PLEKHA6: variants seen among roughly 807,000 people sequenced by gnomAD.
PLEKHA6 encodes pleckstrin homology domain-containing family A member 6.
A neutral mutation model predicts 116.7 loss-of-function variants in PLEKHA6; 60 were observed. The observed-to-expected ratio is 0.51, with a 90% CI of 0.42 to 0.64. The LOEUF (loss-of-function observed/expected upper bound fraction) is 0.64, where lower values mean the gene tolerates loss of function less well. Ranked by LOEUF, PLEKHA6 falls within the 30% of genes least tolerant of loss-of-function variation. The pLI is 0.00. For synonymous variants in PLEKHA6, 489 were observed against 556.1 expected, an observed-to-expected ratio of 0.88 and a Z score of 1.70; for missense variants, 1,338 against 1,422.7, an observed-to-expected ratio of 0.94 and a Z score of 0.96.
chr1:204,295,231 C>T (rs4078324), intron 1 of PLEKHA6, among the ~76,000 whole-genome samples: 61,613 of 152,004 alleles, frequency 0.41, 13,502 homozygotes, highest in East Asian at 0.73. Flanking sequence ...GGCTCATGCC[C>T]ATAATCCCAG....
intron 1 of PLEKHA6, among the ~76,000 whole-genome samples, chr1:204,336,315 A>G (rs991212834): frequency 4.6e-5 from 7 of 152,204 alleles, no homozygotes; most frequent in African/African-American, 1.7e-4. Flanking sequence ...TGACAATCCA[A>G]TCATGCCCTG....
chr1:204,329,646 T>C (rs1012123022), intron 1 of PLEKHA6, among the ~76,000 whole-genome samples: 1 of 152,194 alleles, frequency 6.6e-6, no homozygotes, highest in African/African-American at 2.4e-5. Context: ...GAACCTGAAT[T>C]TGATTAAGCC....
chr1:204,292,667 A>T (rs914952879), intron 1 of PLEKHA6, among the ~76,000 whole-genome samples: 4 of 152,150 alleles, frequency 2.6e-5, no homozygotes, highest in Non-Finnish European at 5.9e-5. Flanking sequence ...CTCACCCAGC[A>T]CTGGGTGGAT....
intron 1 of PLEKHA6, among the ~76,000 whole-genome samples, chr1:204,325,517 G>T (rs960140349): frequency 3.3e-5 from 5 of 152,184 alleles, no homozygotes; most frequent in African/African-American, 1.2e-4. Context: ...TTCATGCTCA[G>T]AAATATTGAG....
chr1:204,256,244 A>G (rs1665265937), intron 9 of PLEKHA6, among the ~76,000 whole-genome samples: 1 of 152,012 alleles, frequency 6.6e-6, no homozygotes, highest in East Asian at 1.9e-4. Flanking sequence ...AACCCTCCCA[A>G]GTGGAGCATC....
chr1:204,253,228 C>T (rs535317858), intron 9 of PLEKHA6, among the ~76,000 whole-genome samples: 14 of 152,198 alleles, frequency 9.2e-5, no homozygotes, highest in African/African-American at 3.1e-4. Context: ...TCTCCCAATA[C>T]ATCTGTGAGG....
rs759916940 is a variant in PLEKHA6, at chr1:204,259,786, T to C, written c.525-46A>G. The C allele has an allele frequency of 6.4e-7, 1 of 1,555,572 alleles. No individual in the cohort carries two copies. The highest frequency in any genetic ancestry group is 8.7e-7 in the Non-Finnish European group (1 of 1,151,024). Reference sequence around the variant, plus strand: ...TGCTGTCAGTGACTCTAGCCCAGCATGGAGTGGGGCAGGGGGTGCCAGACT... The same window carrying C: ...TGCTGTCAGTGACTCTAGCCCAGCACGGAGTGGGGCAGGGGGTGCCAGACT... On this transcript the variant is annotated intron_variant, in intron 7 of 22. Transcript: ENST00000272203. This position sits in a 1 kb window ranked among gnomAD's most constrained non-coding sequence, Gnocchi z 4.6.
intron 1 of PLEKHA6, among the ~76,000 whole-genome samples, chr1:204,331,671 G>A: frequency 6.6e-6 from 1 of 152,118 alleles, no homozygotes; most frequent in Admixed American, 6.6e-5. Context: ...GCTCAAATTT[G>A]CCAAGTAAAT....
chr1:204,271,286 T>C (rs1219720013), intron 3 of PLEKHA6, among the ~76,000 whole-genome samples: 1 of 152,216 alleles, frequency 6.6e-6, no homozygotes, highest in Non-Finnish European at 1.5e-5. Flanking sequence ...CATTGCACCA[T>C]GAGCTCTTTG....
chr1:204,227,741 A>C (rs185979378), intron 21 of PLEKHA6, among the ~76,000 whole-genome samples: 137 of 152,270 alleles, frequency 9.0e-4, no homozygotes, highest in African/African-American at 3.0e-3. Flanking sequence ...TATCTTTCTC[A>C]GTCAAACTCA....
intron 1 of PLEKHA6, among the ~76,000 whole-genome samples, chr1:204,373,975 C>T (rs1214556571): frequency 6.6e-6 from 1 of 152,168 alleles, no homozygotes; most frequent in Non-Finnish European, 1.5e-5. Flanking sequence ...CCAGTGCCCT[C>T]ACCTCCATTA....
At chr1:204,233,531 T>A (rs1661518421) in intron 17 of PLEKHA6, among the ~76,000 whole-genome samples, 1 of 152,002 alleles carries the variant, frequency 6.6e-6, no homozygotes, top group South Asian at 2.1e-4. Flanking sequence ...TGTAGAGACA[T>A]GGTTTCACCA....
At chr1:204,338,282 TATGTAAAAGA>T (rs1193266825) in intron 1 of PLEKHA6, among the ~76,000 whole-genome samples, 2 of 152,206 alleles carry the variant, frequency 1.3e-5, no homozygotes, top group South Asian at 2.1e-4. Flanking sequence ...GGCTGCCACA[TATGTAAAAGA>T]ATGTAAAAGA....
intron 1 of PLEKHA6, among the ~76,000 whole-genome samples, chr1:204,340,437 A>G (rs1672805106): frequency 6.6e-6 from 1 of 152,222 alleles, no homozygotes; most frequent in Non-Finnish European, 1.5e-5. Context: ...TAACAGGCCC[A>G]CTGCAGAGAC....
intron 1 of PLEKHA6, among the ~76,000 whole-genome samples, chr1:204,316,631 G>A (rs4558047): frequency 0.51 from 76,925 of 151,976 alleles, 20,026 homozygotes; most frequent in Middle Eastern, 0.62. Context: ...AAAGGTCACA[G>A]TTTCCCTCGG....
intron 1 of PLEKHA6, among the ~76,000 whole-genome samples, chr1:204,321,868 G>C (rs759424884): frequency 3.9e-5 from 6 of 152,234 alleles, no homozygotes; most frequent in Non-Finnish European, 7.3e-5. Context: ...GCTTAAGGCA[G>C]TGCAGGCCCA....
rs1662355322 is a variant in PLEKHA6 at position 204,238,389 on chromosome 1, T to G, written c.2409+2986A>C. On this transcript the variant is annotated intron_variant, in intron 17 of 22. Coordinates refer to ENST00000272203, the MANE Select transcript of PLEKHA6 (RefSeq NM_014935.5). This position sits in a 1 kb window ranked among gnomAD's most constrained non-coding sequence, Gnocchi z 4.2. ...CCTGCCATCTTCTGCAGCTAACTACTCTCCTTTTGAGAGACACCTGTTGGT... is the reference window on the plus strand; with the variant it reads ...CCTGCCATCTTCTGCAGCTAACTACGCTCCTTTTGAGAGACACCTGTTGGT... Among the ~76,000 whole-genome samples, 1 of 152,082 alleles carries G rather than the reference T, an allele frequency of 6.6e-6. No individual in the cohort carries two copies. Among genetic ancestry groups the G allele is most frequent in the Non-Finnish European group, 1.5e-5 (1 of 68,034 alleles).
chr1:204,251,559 G>T (rs1250950872), intron 9 of PLEKHA6: 1 of 702,932 alleles, frequency 1.4e-6, no homozygotes, highest in Non-Finnish European at 2.6e-6. Flanking sequence ...CCTGGGGGAG[G>T]AGTTTTCCAC....
At chr1:204,246,586 C>A (rs1663720647) in intron 13 of PLEKHA6, among the ~76,000 whole-genome samples, 1 of 152,104 alleles carries the variant, frequency 6.6e-6, no homozygotes, top group African/African-American at 2.4e-5. Context: ...TGGGGGAAAC[C>A]AGGGTGTTAA....
Sources: allele counts gnomAD v4.1 joint callset (sites outside exome capture counted in the v4.1 genomes callset), GRCh38; gene constraint gnomAD v4.1.1; non-coding constraint Gnocchi (gnomAD v3.1); transcripts MANE v1.5; gene names NCBI Gene and HGNC (gene_info 2026-07-23, HGNC 2026-07-21).